Variants in PAX3 observed in about 807,000 individuals in gnomAD.
PAX3 encodes the protein paired box protein Pax-3.
A neutral mutation model predicts 51.6 loss-of-function variants in PAX3; 14 were observed. The ratio of observed to expected loss-of-function variants is 0.27; its 90% CI spans 0.18 to 0.42. The LOEUF (loss-of-function observed/expected upper bound fraction) is 0.42, where lower values mean the gene tolerates loss of function less well. Among genes scored for constraint, PAX3 ranks in the 10% least tolerant of loss-of-function variants. The pLI is 1.00. For missense variants in PAX3, 540 were observed against 642.8 expected (o/e 0.84, Z 1.73); for synonymous variants, 280 against 253.4 (o/e 1.11, Z -1.00).
intron 4 of PAX3, among the ~76,000 whole-genome samples, chr2:222,275,370 G>T (rs531412318): frequency 2.6e-4 from 40 of 151,862 alleles, no homozygotes; most frequent in African/African-American, 9.7e-4. Flanking sequence ...ATAGATATCA[G>T]GTATATACAA....
At position 222,298,567 on chromosome 2, in the gene PAX3, C is replaced by T. The variant is rs763041953; in HGVS notation, c.49G>A (p.Gly17Arg). ...AVPRMMRPGP[G>R]QNYPRSGFPL... is the part of the protein sequence containing the mutation. ...AACCCGCTACGCGGGTAGTTCTGCC[C>T]CGGGCCCGGCCGCATCATCCTGGGC... The change falls in exon 1 of 9, where the codon GGG becomes AGG. Residue 17 changes from glycine (G) to arginine (R), a missense_variant. By Grantham distance (125) the Gly-to-Arg change is moderately radical. Coordinates refer to ENST00000392070, the MANE Select transcript of PAX3 (RefSeq NM_181458.4). 6.2e-7 allele frequency: 1 copy of T among 1,607,936 alleles called. No homozygotes were observed. Among genetic ancestry groups the T allele is most frequent in the Non-Finnish European group, 8.5e-7 (1 of 1,177,666 alleles).
chr2:222,242,855 T>C lies in PAX3; in HGVS notation c.587-10572A>G, dbSNP rs564654148. On this transcript the variant is annotated intron_variant, in intron 4 of 8. Coordinates refer to ENST00000392070, the MANE Select transcript of PAX3 (RefSeq NM_181458.4). ...CTTTGAATAAGACATGAGTGTTCAA[T>C]AAGTCTCATGACATAATTGACAAAG... Among the ~76,000 whole-genome samples the C allele has an allele frequency of 9.8e-5, 15 of 152,376 alleles. No homozygotes were observed. In the South Asian group the frequency reaches 2.9e-3, roughly 29 times the overall value.
intron 4 of PAX3, chr2:222,293,694 C>A (rs1335482023): frequency 1.2e-6 from 2 of 1,614,140 alleles, no homozygotes; most frequent in African/African-American, 1.3e-5. Context: ...AGGGCCGTTG[C>A]CCAAAAGAGT....
intron 7 of PAX3, among the ~76,000 whole-genome samples, chr2:222,216,115 G>C (rs1359174039): frequency 6.6e-6 from 1 of 152,138 alleles, no homozygotes; most frequent in Non-Finnish European, 1.5e-5. Flanking sequence ...AGAAAATTCA[G>C]TCGAATATCA....
chr2:222,202,267 T>C (rs1691326947), intron 7 of PAX3, 77 bp from the exon 8 acceptor site: 2 of 1,100,284 alleles, frequency 1.8e-6, no homozygotes, highest in South Asian at 2.7e-5. Flanking sequence ...AAAGAATAAC[T>C]TGACAGTCCA....
intron 4 of PAX3, among the ~76,000 whole-genome samples, chr2:222,258,451 A>G (rs1353371813): frequency 6.6e-6 from 1 of 152,230 alleles, no homozygotes; most frequent in Admixed American, 6.5e-5. Context: ...TGAATACATT[A>G]TCACAAATTT....
At chr2:222,258,672 C>T (rs537948832) in intron 4 of PAX3, among the ~76,000 whole-genome samples, 1 of 152,306 alleles carries the variant, frequency 6.6e-6, no homozygotes, top group Admixed American at 6.5e-5. Flanking sequence ...TCTCCCCTTC[C>T]TCTGCAGCTC....
intron 4 of PAX3, among the ~76,000 whole-genome samples, chr2:222,258,328 G>A (rs1693723650): frequency 6.6e-6 from 1 of 152,032 alleles, no homozygotes; most frequent in Non-Finnish European, 1.5e-5. Context: ...GGTAATGTGT[G>A]TGAAACTTTA....
chr2:222,241,860 TA>T (rs1163756430), intron 4 of PAX3, among the ~76,000 whole-genome samples: 1 of 152,192 alleles, frequency 6.6e-6, no homozygotes, highest in Admixed American at 6.5e-5. Context: ...TAAATGAAAA[TA>T]ATTAACTCTA....
At chr2:222,271,881 C>G (rs1231100575) in intron 4 of PAX3, among the ~76,000 whole-genome samples, 1 of 152,206 alleles carries the variant, frequency 6.6e-6, no homozygotes, top group Non-Finnish European at 1.5e-5. Flanking sequence ...TAAAGCTTAA[C>G]CTGCAAGCTG....
chr2:222,203,911 C>T (rs1691404542), intron 7 of PAX3, among the ~76,000 whole-genome samples: 1 of 152,242 alleles, frequency 6.6e-6, no homozygotes, highest in East Asian at 1.9e-4. Flanking sequence ...CCCCAGAAAT[C>T]CTGTTTTTCA....
chr2:222,239,718 A>G lies in PAX3; in HGVS notation c.587-7435T>C, dbSNP rs114975532. ...TGGTTTACAACCTGTTCAATGGTCT[A>G]TTTGGTGGTGGGGGTGAGGGGTAGG... On this transcript the variant is annotated intron_variant, in intron 4 of 8. Coordinates refer to ENST00000392070, the MANE Select transcript of PAX3 (RefSeq NM_181458.4). Among the ~76,000 whole-genome samples, 1,062 of 150,864 alleles carry G rather than the reference A, an allele frequency of 7.0e-3. 14 individuals are homozygous for G. The highest frequency in any genetic ancestry group is 0.024 in the African/African-American group (991 of 41,000).
At chr2:222,206,723 TA>T (rs1295057154) in intron 7 of PAX3, among the ~76,000 whole-genome samples, 12 of 152,144 alleles carry the variant, frequency 7.9e-5, no homozygotes, top group African/African-American at 2.9e-4. Flanking sequence ...CAAGATTAAA[TA>T]AAAAAGATAA....
intron 7 of PAX3, among the ~76,000 whole-genome samples, chr2:222,219,368 C>T (rs1692093899): frequency 6.6e-6 from 1 of 152,112 alleles, no homozygotes; most frequent in Non-Finnish European, 1.5e-5. Flanking sequence ...CCACCTGGGC[C>T]AAGCACTCTC....
chr2:222,216,858 T>C (rs1176390210), intron 7 of PAX3, among the ~76,000 whole-genome samples: 1 of 152,112 alleles, frequency 6.6e-6, no homozygotes, highest in Admixed American at 6.5e-5. Flanking sequence ...TGGCAAACAA[T>C]ACATCAATTT....
intron 4 of PAX3, among the ~76,000 whole-genome samples, chr2:222,292,248 T>G (rs1695070075): frequency 6.6e-6 from 1 of 152,180 alleles, no homozygotes; most frequent in Admixed American, 6.5e-5. Context: ...ATGTCTATTC[T>G]CAGCCTTTTG....
intron 4 of PAX3, among the ~76,000 whole-genome samples, chr2:222,269,482 T>A (rs547632298): frequency 3.3e-5 from 5 of 152,330 alleles, no homozygotes; most frequent in African/African-American, 1.2e-4. Context: ...ACGGTCACCA[T>A]GGCTAAAGGC....
rs370093932 is a variant in PAX3 at position 222,265,187 on chromosome 2, G to T, written c.586+28980C>A. The T allele has an allele frequency of 9.2e-5, 14 of 152,298 alleles. No individual in the cohort carries two copies. The South Asian group carries it at 1.2e-3, about 14-fold the overall frequency. The allele number at this position is 152,298 out of a possible 1,614,324, so 9.4% of individuals were successfully genotyped here. Reference sequence around the variant, plus strand: ...TTCTCCAGTATCTAGCATAGAGTAGGCATTCAAGAGTGGCTTGTTTGTGTG... The same window carrying T: ...TTCTCCAGTATCTAGCATAGAGTAGTCATTCAAGAGTGGCTTGTTTGTGTG... On this transcript the variant is annotated intron_variant, in intron 4 of 8. Coordinates refer to ENST00000392070, the MANE Select transcript of PAX3 (RefSeq NM_181458.4).
chr2:222,280,349 AAAAG>A lies in PAX3; in HGVS notation c.586+13814_586+13817del, dbSNP rs1489405227. ...GGGGAGGGGAGGGAGGAAGGAAAGA[AAAAG>A]AAAGAAAGAGAGAAATAAAGGGGAA... On this transcript the variant is annotated intron_variant, in intron 4 of 8. Transcript: ENST00000392070. 1.4e-4 allele frequency among the ~76,000 whole-genome samples: 20 copies of A among 146,854 alleles called. No homozygotes were observed. The South Asian group carries it at 1.4e-3, about 10-fold the overall frequency.
Sources: gnomAD v4.1 joint callset for allele counts (sites outside exome capture counted in the v4.1 genomes callset) on GRCh38, gnomAD v4.1.1 for gene constraint, MANE v1.5 for transcripts, NCBI Gene and HGNC (gene_info 2026-07-23, HGNC 2026-07-21) for gene names.